SORBS2: variants seen among roughly 807,000 people sequenced by gnomAD.
The protein encoded by SORBS2 is sorbin and SH3 domain containing 2, also known as sorbin and SH3 domain-containing protein 2.
SORBS2 carries 46 observed loss-of-function variants against 97.7 expected under a neutral mutation model. The observed-to-expected ratio is 0.47, with a 90% CI of 0.37 to 0.60. The LOEUF (loss-of-function observed/expected upper bound fraction) is 0.60. Ranked by LOEUF, SORBS2 falls within the 20% of genes least tolerant of loss-of-function variation. The pLI is 0.00. For synonymous variants in SORBS2, 476 were observed against 473.4 expected, an observed-to-expected ratio of 1.01 and a Z score of -0.07; for missense variants, 1,316 against 1,282.3, an observed-to-expected ratio of 1.03 and a Z score of -0.40.
intron 1 of SORBS2, among the ~76,000 whole-genome samples, chr4:185,935,446 A>G (rs1277664814): frequency 6.6e-6 from 1 of 152,238 alleles, no homozygotes; most frequent in Non-Finnish European, 1.5e-5. Flanking sequence ...TTGTTGAGAT[A>G]TAAAGCAAGA....
intron 4 of SORBS2, among the ~76,000 whole-genome samples, chr4:185,634,422 A>T (rs1328744641): frequency 6.6e-6 from 1 of 152,140 alleles, no homozygotes; most frequent in African/African-American, 2.4e-5. Flanking sequence ...TGCAAAAAAC[A>T]GTTTATTTAC....
chr4:185,610,644 C>T (rs1458110306), intron 12 of SORBS2, among the ~76,000 whole-genome samples: 4 of 152,090 alleles, frequency 2.6e-5, no homozygotes, highest in African/African-American at 7.2e-5. Context: ...TTCTCAGGCT[C>T]ATTTTCAAGA....
rs569032255 is a variant in SORBS2, at chr4:185,889,687, GCTT to G, written c.-338+66506_-338+66508del. ...TTCCCCTTCTTTCCACCCAATCTGT[GCTT>G]CTGTCCTCCTCCTCCGCCTGACAGT... On this transcript the variant is annotated intron_variant, in intron 1 of 20. Coordinates refer to the SORBS2 transcript ENST00000284776. Among the ~76,000 whole-genome samples the G allele has an allele frequency of 1.1e-4, 17 of 151,956 alleles. No homozygotes were observed. In the East Asian group the frequency reaches 3.3e-3, roughly 29 times the overall value.
chr4:185,936,431 CAA>C (rs1466944641), intron 1 of SORBS2, among the ~76,000 whole-genome samples: 1 of 152,104 alleles, frequency 6.6e-6, no homozygotes, highest in Non-Finnish European at 1.5e-5. Context: ...ATCAATTACA[CAA>C]AGTTATAAAG....
Position 185,690,615 on chromosome 4 carries a change from T to G in SORBS2, c.-197-11793A>C. The G allele has an allele frequency of 7.1e-7, 1 of 1,405,960 alleles. No individual in the cohort carries two copies. The highest frequency in any genetic ancestry group is 9.7e-7 in the Non-Finnish European group (1 of 1,027,746). The allele number at this position is 1,405,960 out of a possible 1,614,324, so 87.1% of individuals were successfully genotyped here. ...GTTATTAAAGTCTTCAGTTTTCCTG[T>G]AGGAAAAAAATGGTGCATAATTGTT... On this transcript the variant is annotated intron_variant, in intron 2 of 20. Transcript: ENST00000284776.
chr4:185,723,159 T>G (rs559787479), intron 2 of SORBS2, among the ~76,000 whole-genome samples: 7 of 152,018 alleles, frequency 4.6e-5, no homozygotes, highest in African/African-American at 1.7e-4. Context: ...TAAAATAAAA[T>G]AAATCCCACA....
chr4:185,948,564 C>A (rs905985708), intron 1 of SORBS2, among the ~76,000 whole-genome samples: 2 of 127,776 alleles, frequency 1.6e-5, no homozygotes, highest in Non-Finnish European at 3.1e-5. Context: ...ATTGCCCAGG[C>A]TGGAGTGCAG....
intron 1 of SORBS2, among the ~76,000 whole-genome samples, chr4:185,897,662 C>T (rs777151167): frequency 8.9e-4 from 135 of 152,174 alleles, no homozygotes; most frequent in Non-Finnish European, 1.7e-3. Flanking sequence ...AACAGGTATG[C>T]TCCACAGCCT....
In SORBS2 at chr4:185,638,874, C is replaced by A; in HGVS notation, c.396+7794G>T. The A allele has an allele frequency of 6.8e-7, 1 of 1,462,886 alleles. No homozygotes were observed. The highest frequency in any genetic ancestry group is 9.0e-7 in the Non-Finnish European group (1 of 1,111,686). The allele number at this position is 1,462,886 out of a possible 1,614,324, so 90.6% of individuals were successfully genotyped here. On this transcript the variant is annotated intron_variant, in intron 4 of 14. Transcript: ENST00000418609. ...AAGAAAGGTAAGGAAGGAAGGAGCT[C>A]ACCCGGGTGGGAGACAGAGCCGGGG... is the stretch of plus-strand genomic sequence containing the variant.
intron 2 of SORBS2, among the ~76,000 whole-genome samples, chr4:185,764,105 T>C (rs1186548119): frequency 6.6e-6 from 1 of 152,172 alleles, no homozygotes; most frequent in Non-Finnish European, 1.5e-5. Context: ...TAAAAACAGG[T>C]AGTCCTATTT....
chr4:185,817,173 T>C (rs919757699), intron 1 of SORBS2, among the ~76,000 whole-genome samples: 2 of 151,664 alleles, frequency 1.3e-5, no homozygotes, highest in African/African-American at 4.8e-5. Context: ...TATGTGTCAG[T>C]ACCAGGTGGG....
chr4:185,908,945 A>T (rs2099253269), intron 1 of SORBS2, among the ~76,000 whole-genome samples: 1 of 151,742 alleles, frequency 6.6e-6, no homozygotes, highest in South Asian at 2.1e-4. Flanking sequence ...TAAATTTTGT[A>T]TATTTATATA....
rs1283662701 is a variant in SORBS2 at position 185,623,792 on chromosome 4, C to G, written c.1337G>C (p.Gly446Ala). The change falls in exon 7 of 15, where the codon GGC becomes GCC. Residue 446 changes from glycine (G) to alanine (A), a missense_variant. Gly to Ala is a moderately conservative substitution (Grantham distance 60). Transcript: ENST00000418609. The surrounding 1 kb of genome is among the most constrained non-coding windows in gnomAD (Gnocchi z 6.4). The stretch of plus-strand genomic sequence containing the variant: ...GGAAAACCGCCTCTTGGGACATAGG[C>G]CATTTTGCGGTGGTTCTAGGGTTAC... 6 of 1,614,132 alleles carry G rather than the reference C, an allele frequency of 3.7e-6. No homozygotes were observed. Among genetic ancestry groups the G allele is most frequent in the Non-Finnish European group, 5.1e-6 (6 of 1,180,026 alleles).
At chr4:185,638,923 C>G in intron 4 of SORBS2, 1 of 1,502,564 alleles carries the variant, frequency 6.7e-7, no homozygotes, top group South Asian at 1.3e-5. Flanking sequence ...TGTGGGGGCG[C>G]CACTCCGGGG....
chr4:185,829,724 G>A (rs917862787), intron 1 of SORBS2, among the ~76,000 whole-genome samples: 2 of 151,998 alleles, frequency 1.3e-5, no homozygotes, highest in African/African-American at 2.4e-5. Flanking sequence ...ACACCTACTC[G>A]GTACTTACAC....
At chr4:185,940,639 C>G (rs935115753) in intron 1 of SORBS2, among the ~76,000 whole-genome samples, 4 of 152,178 alleles carry the variant, frequency 2.6e-5, no homozygotes, top group East Asian at 1.9e-4. Flanking sequence ...GACTCTGACC[C>G]CACCTACTTC....
chr4:185,612,046 A>G lies in SORBS2; in HGVS notation c.2596-66T>C, dbSNP rs1011199388. 9 of 1,165,124 alleles carry G rather than the reference A, an allele frequency of 7.7e-6. No homozygotes were observed. The African/African-American group carries it at 9.3e-5, about 12-fold the overall frequency. 72.2% of individuals were successfully genotyped at this position (1,165,124 alleles called of 1,614,324 possible). ...GAATAACATGAAAATATAATTGTCA[A>G]TGTTTTCTATGAAAAAATAGGTTTC... On this transcript the variant is annotated intron_variant, in intron 11 of 14. Transcript: ENST00000418609.
Position 185,623,365 on chromosome 4 carries a change from C to T in SORBS2, c.1764G>A (p.Glu588=), listed in dbSNP as rs2153423096. 6.2e-7 allele frequency: 1 copy of T among 1,613,536 alleles called. No individual in the cohort carries two copies. Among genetic ancestry groups the T allele is most frequent in the East Asian group, 2.2e-5 (1 of 44,866 alleles). Residue 588 remains glutamate (E), a synonymous_variant, in exon 7 of 15, where the codon GAG becomes GAA. Transcript: ENST00000418609. This position sits in a 1 kb window ranked among gnomAD's most constrained non-coding sequence, Gnocchi z 6.4. ...CAGGGTCCATTTCTTGCCTTCTGGG[C>T]TCCTCGGTGTTTTCGTGTCTGGCTC...
At chr4:185,929,338 G>A (rs922696359) in intron 1 of SORBS2, among the ~76,000 whole-genome samples, 1 of 152,110 alleles carries the variant, frequency 6.6e-6, no homozygotes, top group African/African-American at 2.4e-5. Flanking sequence ...CCAGTTCTGA[G>A]AAACTTCAAG....
Sources: gnomAD v4.1 joint callset for allele counts (sites outside exome capture counted in the v4.1 genomes callset) on GRCh38, gnomAD v4.1.1 for gene constraint, Gnocchi (gnomAD v3.1) non-coding constraint, MANE v1.5 for transcripts, NCBI Gene and HGNC (gene_info 2026-07-23, HGNC 2026-07-21) for gene names.